SH3PXD2B: variants seen among roughly 807,000 people sequenced by gnomAD.
SH3PXD2B encodes SH3 and PX domain-containing protein 2B.
Under a neutral mutation model 73.1 loss-of-function variants are expected in SH3PXD2B, and 37 were observed. That is an observed-to-expected ratio of 0.51 (90% confidence interval 0.39 to 0.67). The LOEUF is 0.67. SH3PXD2B is among the 30% of genes least tolerant of loss of function. The pLI, the probability that SH3PXD2B is intolerant of heterozygous loss-of-function variation, is 0.00. For missense variants in SH3PXD2B, 1,053 were observed against 1,197.8 expected, an observed-to-expected ratio of 0.88 and a Z score of 1.78; for synonymous variants, 457 against 480.5, an observed-to-expected ratio of 0.95 and a Z score of 0.64.
At chr5:172,325,427 A>C (rs1290419786) in intron 12 of SH3PXD2B, 2 of 1,349,640 alleles carry the variant, frequency 1.5e-6, no homozygotes, top group Non-Finnish European at 1.0e-6. Context: ...AGTCCTTTCC[A>C]AACGAAAGAC....
intron 1 of SH3PXD2B, among the ~76,000 whole-genome samples, chr5:172,444,887 G>C (rs141509591): frequency 7.2e-4 from 109 of 152,272 alleles, no homozygotes; most frequent in Non-Finnish European, 1.1e-3. Context: ...GCCTTCCTGG[G>C]GGGGGACCAT....
Position 172,362,801 on chromosome 5 carries a change from G to C in SH3PXD2B, c.496C>G (p.Gln166Glu), listed in dbSNP as rs761475512. Residue 166 changes from glutamine (Q) to glutamate (E), a missense_variant, in exon 7 of 13, where the codon CAG becomes GAG. Physicochemically the swap from Gln to Glu is conservative, Grantham distance 29. This residue lies in a region of SH3PXD2B where 466 missense variants were observed against 607.1 expected (regional missense o/e 0.77). Transcript: ENST00000311601. The part of the protein sequence containing the change: ...QYVVVANYQK[Q>E]ESSEISLSVG... ...CTGAGGCTGATCTCCGAACTCTCCT[G>C]CTTCTGGTAGTTGGCTACCACCACA... The C allele has an allele frequency of 3.7e-6, 6 of 1,614,126 alleles. No individual in the cohort carries two copies. The highest frequency in any genetic ancestry group is 1.7e-5 in the Admixed American group (1 of 60,008).
rs569706081 is a variant in SH3PXD2B, at chr5:172,365,492, C to T, written c.428-2623G>A. 2.6e-5 allele frequency among the ~76,000 whole-genome samples: 4 copies of T among 152,350 alleles called. No individual in the cohort carries two copies. The South Asian group carries it at 6.2e-4, about 24-fold the overall frequency. On this transcript the variant is annotated intron_variant, in intron 6 of 12. Transcript: ENST00000311601. ...AAGGGTGGTCTGAGGCCTGCGGGCTCTCCTTCCCCGAGGGCCTGGTCAGGC... is the reference window on the plus strand; with the variant it reads ...AAGGGTGGTCTGAGGCCTGCGGGCTTTCCTTCCCCGAGGGCCTGGTCAGGC...
At chr5:172,417,381 G>T (rs1309608153) in intron 2 of SH3PXD2B, among the ~76,000 whole-genome samples, 1 of 152,152 alleles carries the variant, frequency 6.6e-6, no homozygotes, top group Non-Finnish European at 1.5e-5. Flanking sequence ...ACATCAACTG[G>T]CCTGGACACA....
chr5:172,396,846 C>T (rs1409214296), intron 3 of SH3PXD2B, among the ~76,000 whole-genome samples: 1 of 152,042 alleles, frequency 6.6e-6, no homozygotes, highest in Non-Finnish European at 1.5e-5. Context: ...GAGACTGAGG[C>T]AGGAGAATCG....
chr5:172,362,074 T>TC (rs1351680287), intron 7 of SH3PXD2B, among the ~76,000 whole-genome samples: 1 of 152,140 alleles, frequency 6.6e-6, no homozygotes, highest in African/African-American at 2.4e-5. Flanking sequence ...GAAACCCACA[T>TC]TTTTTTGAGC....
chr5:172,443,745 C>T (rs907178001), intron 1 of SH3PXD2B, among the ~76,000 whole-genome samples: 4 of 152,392 alleles, frequency 2.6e-5, no homozygotes, highest in South Asian at 2.1e-4. Flanking sequence ...GTGACGCCAA[C>T]GCGTGGGTTC....
At chr5:172,381,709 T>C (rs1437653961) in intron 5 of SH3PXD2B, among the ~76,000 whole-genome samples, 1 of 152,212 alleles carries the variant, frequency 6.6e-6, no homozygotes, top group Non-Finnish European at 1.5e-5. Flanking sequence ...CCTCCACCTC[T>C]GTGGACAGAA....
At chr5:172,332,701 T>G (rs971795399), downstream of SH3PXD2B, among the ~76,000 whole-genome samples, 10 of 152,190 alleles carry the variant, frequency 6.6e-5, no homozygotes, top group South Asian at 2.1e-4. Flanking sequence ...CAAGTTCTTT[T>G]GTTCGGGGAC....
At chr5:172,425,494 C>T (rs77685947) in intron 1 of SH3PXD2B, among the ~76,000 whole-genome samples, 1,534 of 151,946 alleles carry the variant, frequency 0.01, 25 homozygotes, top group African/African-American at 0.035. Flanking sequence ...AGGAGCTGGT[C>T]GAGAGCTGAG....
chr5:172,364,679 A>G (rs1435474211), intron 6 of SH3PXD2B, among the ~76,000 whole-genome samples: 1 of 150,990 alleles, frequency 6.6e-6, no homozygotes, highest in Non-Finnish European at 1.5e-5. Context: ...TCCCCGCCCA[A>G]AAAAACCAAA....
At chr5:172,360,925 C>T (rs1040152382) in intron 7 of SH3PXD2B, among the ~76,000 whole-genome samples, 2 of 152,212 alleles carry the variant, frequency 1.3e-5, no homozygotes, top group Admixed American at 6.5e-5. Flanking sequence ...CTGACGTGCA[C>T]ACAGACATGT....
intron 1 of SH3PXD2B, among the ~76,000 whole-genome samples, chr5:172,447,652 G>A (rs1195586627): frequency 6.6e-6 from 1 of 152,230 alleles, no homozygotes; most frequent in Non-Finnish European, 1.5e-5. Flanking sequence ...GCAGAGCAGG[G>A]ATTTGAACCC....
intron 1 of SH3PXD2B, among the ~76,000 whole-genome samples, chr5:172,449,590 T>C (rs1759747620): frequency 6.6e-6 from 1 of 152,020 alleles, no homozygotes; most frequent in Non-Finnish European, 1.5e-5. Flanking sequence ...GGACAAAAAC[T>C]GGTAATTCAC....
At chr5:172,439,669 TGC>T (rs201510080) in intron 1 of SH3PXD2B, among the ~76,000 whole-genome samples, 7,860 of 120,304 alleles carry the variant, frequency 0.065, 690 homozygotes, top group African/African-American at 0.23. Flanking sequence ...GGTATGTGTG[TGC>T]GTGCGTGCGC....
Position 172,348,646 on chromosome 5 carries a change from CTATCTATCCTATCTAT to C in SH3PXD2B, c.1013-1330_1013-1315del, listed in dbSNP as rs1402134435. Among the ~76,000 whole-genome samples, 29 of 61,384 alleles carry C rather than the reference CTATCTATCCTATCTAT, an allele frequency of 4.7e-4. No homozygotes were observed. The East Asian group carries it at 0.015, about 32-fold the overall frequency. 40.3% of individuals were successfully genotyped at this position (61,384 alleles called of 152,430 possible). A position where few individuals can be genotyped will look rare whatever the true frequency, so the allele number is the denominator to read the frequency against. ...TCTATGTATCTATCTATGTATCTAT[CTATCTATCCTATCTAT>C]CTATCTATCTATCTATCTATCTATC... is the stretch of plus-strand genomic sequence containing the variant. On this transcript the variant is annotated intron_variant, in intron 10 of 12. Coordinates refer to ENST00000311601, the MANE Select transcript of SH3PXD2B (RefSeq NM_001017995.3).
chr5:172,366,932 A>AT (rs1262636786), intron 6 of SH3PXD2B, among the ~76,000 whole-genome samples: 4,828 of 74,876 alleles, frequency 0.064, 258 homozygotes, highest in African/African-American at 0.12. Flanking sequence ...GTGCCCGGCC[A>AT]TTTTTTTTTT....
intron 1 of SH3PXD2B, among the ~76,000 whole-genome samples, chr5:172,427,500 T>C (rs1251576968): frequency 1.3e-5 from 2 of 151,980 alleles, no homozygotes; most frequent in Non-Finnish European, 2.9e-5. Context: ...CATGTGCCAT[T>C]ATGCCTGGTT....
intron 2 of SH3PXD2B, among the ~76,000 whole-genome samples, chr5:172,413,682 C>T (rs144449642): frequency 8.4e-4 from 128 of 152,370 alleles, no homozygotes; most frequent in African/African-American, 2.9e-3. Flanking sequence ...CCAAGATAAT[C>T]ATGCCTCTTT....
Sources: gnomAD v4.1 joint callset for allele counts (sites outside exome capture counted in the v4.1 genomes callset) on GRCh38, gnomAD v4.1.1 for gene constraint, gnomAD v4.1.1 regional missense constraint, MANE v1.5 for transcripts, NCBI Gene and HGNC (gene_info 2026-07-23, HGNC 2026-07-21) for gene names.